Variants in ADAMTS19 observed in about 807,000 individuals in gnomAD.
ADAMTS19 encodes ADAM metallopeptidase with thrombospondin type 1 motif 19.
Under a neutral mutation model 153.3 loss-of-function variants are expected in ADAMTS19, and 93 were observed. The observed-to-expected ratio is 0.61, with a 90% CI of 0.51 to 0.72. The LOEUF is 0.72. Among genes scored for constraint, ADAMTS19 ranks in the 30% least tolerant of loss-of-function variants. The pLI is 0.00. For missense variants in ADAMTS19, 1,482 were observed against 1,552.1 expected, an observed-to-expected ratio of 0.95 and a Z score of 0.76; for synonymous variants, 600 against 556.6, an observed-to-expected ratio of 1.08 and a Z score of -1.10.
intron 7 of ADAMTS19, among the ~76,000 whole-genome samples, chr5:129,574,521 G>T (rs908953909): frequency 1.2e-4 from 18 of 151,956 alleles, no homozygotes; most frequent in African/African-American, 4.1e-4. Context: ...GTGAGAACAT[G>T]CAATGTTTGG....
chr5:129,680,694 G>A (rs991149053), intron 17 of ADAMTS19, among the ~76,000 whole-genome samples: 42 of 151,670 alleles, frequency 2.8e-4, no homozygotes, highest in East Asian at 1.4e-3. Context: ...CCCAAGAGGC[G>A]GAGGTTGCAG....
chr5:129,662,600 A>C (rs1753859739), intron 15 of ADAMTS19, among the ~76,000 whole-genome samples: 2 of 152,190 alleles, frequency 1.3e-5, no homozygotes, highest in South Asian at 4.1e-4. Flanking sequence ...TCAAACAAGA[A>C]TTTGCACATA....
intron 10 of ADAMTS19, among the ~76,000 whole-genome samples, chr5:129,635,833 C>G (rs896642602): frequency 2.0e-5 from 3 of 152,086 alleles, no homozygotes; most frequent in Admixed American, 6.6e-5. Context: ...CATCATACCC[C>G]CATGACACAA....
intron 7 of ADAMTS19, among the ~76,000 whole-genome samples, chr5:129,552,974 G>C (rs1348436928): frequency 6.6e-6 from 1 of 152,046 alleles, no homozygotes. Context: ...CTAAGGAAAA[G>C]CGGAATTGAT....
At chr5:129,734,876 T>A (rs1757596705) in intron 21 of ADAMTS19, 56 bp from the exon 22 acceptor site, 2 of 1,406,946 alleles carry the variant, frequency 1.4e-6, no homozygotes, top group Non-Finnish European at 1.9e-6. Context: ...TAGAAAATAA[T>A]AACAGCAAAA....
chr5:129,667,941 A>G (rs955416689), intron 16 of ADAMTS19, among the ~76,000 whole-genome samples: 1 of 152,168 alleles, frequency 6.6e-6, no homozygotes, highest in African/African-American at 2.4e-5. Context: ...TATGCCTACT[A>G]TAACAATTAC....
At chr5:129,691,419 C>A (rs1219334656) in intron 18 of ADAMTS19, among the ~76,000 whole-genome samples, 1 of 152,148 alleles carries the variant, frequency 6.6e-6, no homozygotes, top group African/African-American at 2.4e-5. Flanking sequence ...TCATCACTTT[C>A]TGTTTGTCCC....
intron 7 of ADAMTS19, among the ~76,000 whole-genome samples, chr5:129,563,091 C>T (rs1029845789): frequency 6.6e-6 from 1 of 152,138 alleles, no homozygotes; most frequent in Non-Finnish European, 1.5e-5. Flanking sequence ...CAGACCCTTC[C>T]CTTTCCAAAC....
At position 129,677,436 on chromosome 5, in the gene ADAMTS19, C is replaced by A. The variant is rs560470393; in HGVS notation, c.2507-2328C>A. ...AAGTTGCAGTGAGCTGAGATCGGGCCACTGCACTCCAGCCTGGGTGACAGA... is the reference window on the plus strand; with the variant it reads ...AAGTTGCAGTGAGCTGAGATCGGGCAACTGCACTCCAGCCTGGGTGACAGA... On this transcript the variant is annotated intron_variant, in intron 16 of 22. Coordinates refer to ENST00000274487, the MANE Select transcript of ADAMTS19 (RefSeq NM_133638.6). Among the ~76,000 whole-genome samples, 89 of 151,500 alleles carry A rather than the reference C, an allele frequency of 5.9e-4. 1 individual carries two copies. In the South Asian group the frequency reaches 0.018, roughly 31 times the overall value.
intron 18 of ADAMTS19, 85 bp downstream of exon 18, chr5:129,684,358 C>T: frequency 2.0e-6 from 3 of 1,487,224 alleles, no homozygotes; most frequent in Middle Eastern, 4.0e-4. Context: ...TCCAAAATCC[C>T]TAATCTGCAA....
Position 129,481,318 on chromosome 5 carries a change from C to G in ADAMTS19, c.747+19561C>G, listed in dbSNP as rs998698529. Among the ~76,000 whole-genome samples the G allele has an allele frequency of 2.6e-5, 4 of 152,194 alleles. No homozygotes were observed. The South Asian group carries it at 6.2e-4, about 24-fold the overall frequency. On this transcript the variant is annotated intron_variant, in intron 2 of 22. Transcript: ENST00000274487. ...TAAATTATCATATCTTGTGAGAACG[C>G]CTTCACTATCACTAGAACAGCGTGG...
At chr5:129,695,353 C>A (rs1392009102) in intron 19 of ADAMTS19, among the ~76,000 whole-genome samples, 1 of 152,172 alleles carries the variant, frequency 6.6e-6, no homozygotes, top group Non-Finnish European at 1.5e-5. Context: ...TCTCTCACCA[C>A]CAACTTTGTG....
chr5:129,561,785 G>A (rs1753526255), intron 7 of ADAMTS19, among the ~76,000 whole-genome samples: 1 of 151,926 alleles, frequency 6.6e-6, no homozygotes, highest in South Asian at 2.1e-4. Flanking sequence ...CACTGAGTCA[G>A]GCAGATCTTC....
chr5:129,549,988 GTA>G (rs1247296984), intron 6 of ADAMTS19, among the ~76,000 whole-genome samples: 87 of 125,780 alleles, frequency 6.9e-4, no homozygotes, highest in Non-Finnish European at 1.3e-3. Context: ...ACATGTATCT[GTA>G]TATGTATCTA....
intron 6 of ADAMTS19, among the ~76,000 whole-genome samples, chr5:129,541,646 A>G (rs572115622): frequency 6.6e-6 from 1 of 152,036 alleles, no homozygotes; most frequent in African/African-American, 2.4e-5. Flanking sequence ...TTACCACGTT[A>G]CAGAGGTGAT....
chr5:129,711,377 T>C (rs1287310629), intron 21 of ADAMTS19, among the ~76,000 whole-genome samples: 1 of 152,156 alleles, frequency 6.6e-6, no homozygotes, highest in Non-Finnish European at 1.5e-5. Flanking sequence ...CAAATACATA[T>C]TAATCTGACA....
At chr5:129,699,164 G>GT (rs1463934164) in intron 19 of ADAMTS19, among the ~76,000 whole-genome samples, 2 of 152,144 alleles carry the variant, frequency 1.3e-5, no homozygotes, top group South Asian at 4.1e-4. Context: ...GCTCATGCCT[G>GT]TAATCCCAGC....
intron 19 of ADAMTS19, among the ~76,000 whole-genome samples, chr5:129,697,637 C>T (rs1755621950): frequency 6.6e-6 from 1 of 152,194 alleles, no homozygotes; most frequent in Non-Finnish European, 1.5e-5. Context: ...TAATCAGGTA[C>T]AGTGACCTAG....
At chr5:129,659,139 T>C (rs939356647) in intron 15 of ADAMTS19, among the ~76,000 whole-genome samples, 2 of 152,220 alleles carry the variant, frequency 1.3e-5, no homozygotes, top group African/African-American at 2.4e-5. Flanking sequence ...CTTTATTTTT[T>C]TCTTAATGTT....
Sources: allele counts gnomAD v4.1 joint callset (sites outside exome capture counted in the v4.1 genomes callset), GRCh38; gene constraint gnomAD v4.1.1; transcripts MANE v1.5; gene names NCBI Gene and HGNC (gene_info 2026-07-23, HGNC 2026-07-21).